GALNT13: variants seen among roughly 807,000 people sequenced by gnomAD.
The protein encoded by GALNT13 is polypeptide N-acetylgalactosaminyltransferase 13, also known as UDP-GalNAc:polypeptide N-acetylgalactosaminyltransferase 13.
GALNT13 carries 28 observed loss-of-function variants against 64.2 expected under a neutral mutation model. The ratio of observed to expected loss-of-function variants is 0.44; its 90% CI spans 0.32 to 0.60. The LOEUF (loss-of-function observed/expected upper bound fraction) is 0.60. GALNT13 is among the 20% of genes least tolerant of loss of function. The pLI, the probability that GALNT13 is intolerant of heterozygous loss-of-function variation, is 0.05. For missense variants in GALNT13, 577 were observed against 669.8 expected (o/e 0.86, Z 1.53); for synonymous variants, 214 against 224.6 (o/e 0.95, Z 0.42).
intron 3 of GALNT13, among the ~76,000 whole-genome samples, chr2:154,092,327 T>C (rs1161428106): frequency 6.6e-6 from 1 of 152,022 alleles, no homozygotes; most frequent in Non-Finnish European, 1.5e-5. Context: ...TTAAAATCAT[T>C]AAGAAGAAAA....
chr2:153,884,863 A>C (rs1687056805), intron 1 of GALNT13, among the ~76,000 whole-genome samples: 1 of 113,986 alleles, frequency 8.8e-6, no homozygotes. Flanking sequence ...ATATACACAC[A>C]CACACACACA....
At chr2:153,125,374 GA>G in the GALNT13 span, among the ~76,000 whole-genome samples, 52,923 of 152,008 alleles carry the variant, frequency 0.35, 9,557 homozygotes, top group South Asian at 0.49. Flanking sequence ...AACTGATTTT[GA>G]AAGGAGCTCA....
the GALNT13 span, among the ~76,000 whole-genome samples, chr2:153,777,234 A>C: frequency 6.6e-6 from 1 of 152,184 alleles, no homozygotes; most frequent in Non-Finnish European, 1.5e-5. Flanking sequence ...AGGAGGAAAT[A>C]AGCCAAAACA....
chr2:154,297,844 T>G (rs574067152), intron 8 of GALNT13, among the ~76,000 whole-genome samples: 1 of 152,226 alleles, frequency 6.6e-6, no homozygotes, highest in African/African-American at 2.4e-5. Flanking sequence ...TTTGACTATC[T>G]GGGTGAATGT....
the GALNT13 span, among the ~76,000 whole-genome samples, chr2:153,353,634 A>G: frequency 1.3e-5 from 2 of 151,972 alleles, no homozygotes; most frequent in Non-Finnish European, 2.9e-5. Flanking sequence ...CTCTACTCCT[A>G]ATTTACTGGG....
chr2:153,985,395 G>A (rs1694733544), intron 3 of GALNT13, among the ~76,000 whole-genome samples: 1 of 151,872 alleles, frequency 6.6e-6, no homozygotes, highest in Admixed American at 6.6e-5. Flanking sequence ...TTATTGAGTT[G>A]TGTCAAGAAT....
At chr2:154,243,416 C>T (rs919916923) in intron 6 of GALNT13, among the ~76,000 whole-genome samples, 1 of 151,982 alleles carries the variant, frequency 6.6e-6, no homozygotes, top group Non-Finnish European at 1.5e-5. Flanking sequence ...TTCAAATCCA[C>T]CTGGAATGTC....
chr2:154,369,736 G>A (rs1223086150), intron 9 of GALNT13, among the ~76,000 whole-genome samples: 7 of 152,108 alleles, frequency 4.6e-5, no homozygotes, highest in African/African-American at 1.7e-4. Flanking sequence ...CCATAGACTA[G>A]GTAGCTTAAA....
the GALNT13 span, among the ~76,000 whole-genome samples, chr2:153,327,233 G>C: frequency 9.9e-5 from 15 of 152,160 alleles, no homozygotes; most frequent in Non-Finnish European, 2.9e-5. Context: ...TGCCCTTAAC[G>C]TTTTTGCCTT....
chr2:153,250,986 A>G, the GALNT13 span, among the ~76,000 whole-genome samples: 2 of 152,230 alleles, frequency 1.3e-5, no homozygotes. Flanking sequence ...TGGCATATGT[A>G]TACCTCTGTA....
At chr2:153,887,820 CA>C (rs1263517442) in intron 1 of GALNT13, among the ~76,000 whole-genome samples, 1 of 151,910 alleles carries the variant, frequency 6.6e-6, no homozygotes, top group Non-Finnish European at 1.5e-5. Context: ...ATTGAAAGAT[CA>C]ATGCTTTTTG....
intron 4 of GALNT13, among the ~76,000 whole-genome samples, chr2:154,230,970 G>A (rs1688884596): frequency 6.6e-6 from 1 of 152,084 alleles, no homozygotes; most frequent in Non-Finnish European, 1.5e-5. Flanking sequence ...CAATAAGAGA[G>A]GAGGTGGGCT....
chr2:153,908,047 C>CT (rs569379899), intron 2 of GALNT13, among the ~76,000 whole-genome samples: 42 of 151,970 alleles, frequency 2.8e-4, no homozygotes, highest in Non-Finnish European at 2.6e-4. Context: ...TAAGTGTTCC[C>CT]TTTCGCCACA....
the GALNT13 span, among the ~76,000 whole-genome samples, chr2:153,380,308 T>A: frequency 4.7e-4 from 71 of 152,226 alleles, no homozygotes; most frequent in Admixed American, 1.1e-3. Flanking sequence ...ATCTAGAGAT[T>A]ATTTAAAATA....
the GALNT13 span, among the ~76,000 whole-genome samples, chr2:153,505,235 C>G: frequency 6.6e-6 from 1 of 152,092 alleles, no homozygotes; most frequent in African/African-American, 2.4e-5. Context: ...CATTTCATTT[C>G]TAATTGAGCT....
At chr2:153,625,561 A>G in the GALNT13 span, among the ~76,000 whole-genome samples, 1 of 152,112 alleles carries the variant, frequency 6.6e-6, no homozygotes, top group East Asian at 1.9e-4. Flanking sequence ...TGCTTACCAC[A>G]AAGTAGGCAG....
chr2:153,380,915 T>G, the GALNT13 span, among the ~76,000 whole-genome samples: 4 of 151,886 alleles, frequency 2.6e-5, no homozygotes, highest in South Asian at 2.1e-4. Context: ...CAATTTGGGG[T>G]TTTTTTGTGT....
At chr2:153,990,003 A>T (rs1457162290) in intron 3 of GALNT13, among the ~76,000 whole-genome samples, 1 of 152,128 alleles carries the variant, frequency 6.6e-6, no homozygotes, top group Non-Finnish European at 1.5e-5. Context: ...AGAACAACAT[A>T]TCGAAGTAAT....
the GALNT13 span, among the ~76,000 whole-genome samples, chr2:153,524,107 T>A: frequency 6.6e-6 from 1 of 152,182 alleles, no homozygotes. Flanking sequence ...ATGAATTACA[T>A]TACTTAGTTT....
Sources: allele counts gnomAD v4.1 joint callset (sites outside exome capture counted in the v4.1 genomes callset), GRCh38; gene constraint gnomAD v4.1.1; transcripts MANE v1.5; gene names NCBI Gene and HGNC (gene_info 2026-07-23, HGNC 2026-07-21).